ARK2C: variants seen among roughly 807,000 people sequenced by gnomAD.
The protein encoded by ARK2C is E3 ubiquitin-protein ligase ARK2C.
At chr18:46,442,162 C>A in the ARK2C span, among the ~76,000 whole-genome samples, 118 of 139,210 alleles carry the variant, frequency 8.5e-4, no homozygotes, top group East Asian at 1.2e-3. Flanking sequence ...AACTCCGTCT[C>A]AAAAAAAAAA....
At chr18:46,410,157 C>A in the ARK2C span, among the ~76,000 whole-genome samples, 1 of 152,186 alleles carries the variant, frequency 6.6e-6, no homozygotes, top group African/African-American at 2.4e-5. Context: ...GGTCACATGA[C>A]CTCAGGGCCC....
the ARK2C span, among the ~76,000 whole-genome samples, chr18:46,365,750 G>C: frequency 6.6e-6 from 1 of 152,100 alleles, no homozygotes; most frequent in African/African-American, 2.4e-5. Context: ...TGATCTGCCT[G>C]CCTTGGCCTC....
the ARK2C span, chr18:46,457,306 G>T: frequency 6.6e-6 from 1 of 152,564 alleles, no homozygotes; most frequent in African/African-American, 2.4e-5. Context: ...CCCAATTTGG[G>T]AGGCGGGAGG....
chr18:46,450,212 G>A, the ARK2C span: 3 of 830,554 alleles, frequency 3.6e-6, no homozygotes, highest in East Asian at 7.3e-5. Context: ...TGTACTGAGT[G>A]GGTTACAGGT....
chr18:46,439,612 G>A, the ARK2C span, among the ~76,000 whole-genome samples: 1 of 152,158 alleles, frequency 6.6e-6, no homozygotes, highest in Non-Finnish European at 1.5e-5. Context: ...AAGTTTCCAT[G>A]CATGCTTTTG....
the ARK2C span, among the ~76,000 whole-genome samples, chr18:46,363,940 C>CTTTTTTTTTTTTTTTTTT: frequency 7.1e-6 from 1 of 140,406 alleles, no homozygotes; most frequent in African/African-American, 2.7e-5. Flanking sequence ...TTTCTTTTTT[C>CTTTTTTTTTTTTTTTTTT]TTTTCTTTTT....
At chr18:46,344,457 G>A in the ARK2C span, among the ~76,000 whole-genome samples, 3 of 147,554 alleles carry the variant, frequency 2.0e-5, no homozygotes, top group East Asian at 2.0e-4. Context: ...GCCTGTGCCC[G>A]AGGACCACCC....
the ARK2C span, among the ~76,000 whole-genome samples, chr18:46,442,357 A>G: frequency 6.6e-6 from 1 of 152,046 alleles, no homozygotes; most frequent in Non-Finnish European, 1.5e-5. Flanking sequence ...ATAAAACTGA[A>G]TTTTTCTTTA....
chr18:46,386,707 T>G, the ARK2C span: 1 of 152,256 alleles, frequency 6.6e-6, no homozygotes, highest in Non-Finnish European at 1.5e-5. Flanking sequence ...CAGCTGTCCT[T>G]TCAGTGGAGA....
the ARK2C span, among the ~76,000 whole-genome samples, chr18:46,419,862 G>T: frequency 6.6e-6 from 1 of 152,030 alleles, no homozygotes; most frequent in African/African-American, 2.4e-5. Context: ...GCATCCTTTT[G>T]TTATCTCTCT....
At chr18:46,376,959 G>C in the ARK2C span, among the ~76,000 whole-genome samples, 1,786 of 152,194 alleles carry the variant, frequency 0.012, 42 homozygotes, top group African/African-American at 0.041. Context: ...TAAGCCACAG[G>C]GCCCGGCCAA....
chr18:46,383,830 C>T, the ARK2C span, among the ~76,000 whole-genome samples: 4 of 152,158 alleles, frequency 2.6e-5, no homozygotes, highest in East Asian at 5.8e-4. Context: ...GGATCACAGG[C>T]GTGAGCCACC....
the ARK2C span, chr18:46,450,711 T>G: frequency 6.2e-7 from 1 of 1,613,430 alleles, no homozygotes; most frequent in Non-Finnish European, 8.5e-7. Flanking sequence ...CAGGAGCTGC[T>G]GCAGCTCGAG....
the ARK2C span, among the ~76,000 whole-genome samples, chr18:46,413,080 C>T: frequency 6.6e-6 from 1 of 152,252 alleles, no homozygotes; most frequent in South Asian, 2.1e-4. Context: ...CTCTGTGGCA[C>T]TCTGTTCAAG....
At chr18:46,360,477 A>C in the ARK2C span, among the ~76,000 whole-genome samples, 5 of 152,124 alleles carry the variant, frequency 3.3e-5, no homozygotes, top group Non-Finnish European at 7.4e-5. Context: ...AATTCCAAAC[A>C]CCTCATTTAC....
At chr18:46,350,643 C>T in the ARK2C span, among the ~76,000 whole-genome samples, 3 of 152,150 alleles carry the variant, frequency 2.0e-5, no homozygotes, top group Non-Finnish European at 4.4e-5. Context: ...CCTCCTGCCA[C>T]GCTCGGTGGT....
chr18:46,355,823 A>G, the ARK2C span, among the ~76,000 whole-genome samples: 1 of 152,046 alleles, frequency 6.6e-6, no homozygotes, highest in African/African-American at 2.4e-5. Context: ...CTTGCATGGC[A>G]CCCCTGTGCC....
chr18:46,419,803 C>A, the ARK2C span, among the ~76,000 whole-genome samples: 2 of 152,146 alleles, frequency 1.3e-5, no homozygotes, highest in Non-Finnish European at 2.9e-5. Flanking sequence ...TCCAAGAAGC[C>A]TATAGCTCTG....
chr18:46,446,583 A>C, the ARK2C span, among the ~76,000 whole-genome samples: 1 of 144,942 alleles, frequency 6.9e-6, no homozygotes, highest in Admixed American at 7.0e-5. Context: ...AGGCAGGAGA[A>C]TTGCTTGAAC....
Sources: allele counts gnomAD v4.1 joint callset (sites outside exome capture counted in the v4.1 genomes callset), GRCh38; gene constraint gnomAD v4.1.1; transcripts MANE v1.5; gene names NCBI Gene and HGNC (gene_info 2026-07-23, HGNC 2026-07-21).